STAP2: variants seen among roughly 807,000 people sequenced by gnomAD.
The protein encoded by STAP2 is signal transducing adaptor family member 2.
STAP2 carries 58 observed loss-of-function variants against 52.7 expected under a neutral mutation model. That is an observed-to-expected ratio of 1.10 (90% CI 0.89 to 1.37). STAP2 has a LOEUF of 1.37. Among genes scored for constraint, STAP2 ranks in the 40% most tolerant of loss-of-function variants. STAP2 has a pLI of 0.00. For missense variants in STAP2, 522 were observed against 519.4 expected, an observed-to-expected ratio of 1.00 and a Z score of -0.05; for synonymous variants, 231 against 210.5, an observed-to-expected ratio of 1.10 and a Z score of -0.84.
chr19:4,332,022 C>T lies in STAP2; in HGVS notation c.354G>A (p.Glu118=), dbSNP rs768336065. Residue 118 remains glutamate (E), a splice_region_variant and synonymous_variant, in exon 4 of 13, where the codon GAG becomes GAA. Coordinates refer to ENST00000594605, the MANE Select transcript of STAP2 (RefSeq NM_001013841.2). Reference sequence around the variant, plus strand: ...GGGCGCAGAGAGCCACTACTCTTACCTCCACCACCGTTAAGATGAAGCCTT... The same window carrying T: ...GGGCGCAGAGAGCCACTACTCTTACTTCCACCACCGTTAAGATGAAGCCTT... ...MWKGFILTVV[E]LRVPTDLTLL... The T allele has an allele frequency of 1.2e-6, 2 of 1,612,902 alleles. No homozygotes were observed. Among genetic ancestry groups the T allele is most frequent in the South Asian group, 1.1e-5 (1 of 90,886 alleles).
intron 1 of STAP2, among the ~76,000 whole-genome samples, chr19:4,334,836 C>CTGTCCA (rs1419004502): frequency 9.9e-4 from 11 of 11,104 alleles, no homozygotes; most frequent in Non-Finnish European, 1.5e-3. Context: ...CATCCACCCA[C>CTGTCCA]TCATCCATCC....
At chr19:4,328,059 G>C (rs1489078807) in intron 6 of STAP2, 1 of 160,648 alleles carries the variant, frequency 6.2e-6, no homozygotes, top group Non-Finnish European at 1.4e-5. Flanking sequence ...TTCCGGAGGG[G>C]CCGATCCTAA....
At chr19:4,336,314 CTTT>C (rs978535649) in intron 1 of STAP2, among the ~76,000 whole-genome samples, 32 of 83,446 alleles carry the variant, frequency 3.8e-4, no homozygotes, top group Admixed American at 1.1e-3. Flanking sequence ...TGCACACTGC[CTTT>C]TTTTTTTTTT....
chr19:4,329,005 T>C, intron 5 of STAP2, 196 bp from the exon 6 acceptor site: 2 of 732,648 alleles, frequency 2.7e-6, no homozygotes, highest in Non-Finnish European at 4.2e-6. Context: ...GTGGGGTTTT[T>C]TGTTTTTTTT....
rs772691080 is a variant in STAP2, at chr19:4,327,293, A to T, written c.660+23T>A. The T allele has an allele frequency of 1.1e-5, 18 of 1,614,040 alleles. No individual in the cohort carries two copies. In the South Asian group the frequency reaches 1.4e-4, roughly 13 times the overall value. On this transcript the variant is annotated intron_variant, in intron 7 of 12. Transcript: ENST00000594605. ...ACGCGGACCCCACAAAGTCACTTCT[A>T]GGGACTCTGGCCCAACGCTCACCGG...
chr19:4,332,193 CTTCTT>C (rs1599553159), intron 3 of STAP2, 115 bp from the exon 4 acceptor site: 7 of 317,058 alleles, frequency 2.2e-5, no homozygotes, highest in Non-Finnish European at 2.5e-5. Context: ...TTTTCTTTTT[CTTCTT>C]TTTTTTTTTT....
At chr19:4,334,993 TCCAC>T (rs1372710449) in intron 1 of STAP2, among the ~76,000 whole-genome samples, 1 of 144,694 alleles carries the variant, frequency 6.9e-6, no homozygotes, top group African/African-American at 2.6e-5. Context: ...CACTCATCCA[TCCAC>T]CCACTCATCA....
Position 4,327,352 on chromosome 19 carries a change from C to T in STAP2, c.624G>A (p.Arg208=). The change falls in exon 7 of 13, where the codon CGG becomes CGA. Residue 208 remains arginine, a synonymous_variant. Transcript: ENST00000594605. ...CATCGATCACGTACTTGGGGCCCTC[C>T]CGCTTCACCTTGTAATGCCGGACCA... The part of the protein sequence containing the change: ...THVVRHYKVK[R]EGPKYVIDVE... 6.2e-7 allele frequency: 1 copy of T among 1,614,118 alleles called. No individual in the cohort carries two copies. Among genetic ancestry groups the T allele is most frequent in the Non-Finnish European group, 8.5e-7 (1 of 1,179,988 alleles).
chr19:4,328,833 T>C, intron 5 of STAP2, 24 bp from the exon 6 acceptor site: 8 of 1,602,966 alleles, frequency 5.0e-6, no homozygotes, highest in Non-Finnish European at 6.8e-6. Context: ...CGTCACCCAC[T>C]CGGGACCCCG....
chr19:4,327,165 A>T lies in STAP2; in HGVS notation c.722T>A (p.Leu241Gln), dbSNP rs1230443818. ...GTCCTCGTCTAACAGGAATGGCACC[A>T]GCGCCTTTTTGGTATGCGACACGAA... ...NYFVSHTKKA[L>Q]VPFLLDEDYE... is the part of the protein sequence containing the mutation. The change falls in exon 8 of 13, where the codon CTG (leucine) becomes CAG (glutamine). Residue 241 changes from leucine (L) to glutamine (Q), a missense_variant. Transcript: ENST00000594605. The T allele has an allele frequency of 7.4e-6, 12 of 1,614,202 alleles. No homozygotes were observed. The highest frequency in any genetic ancestry group is 1.0e-5 in the Non-Finnish European group (12 of 1,180,024).
Position 4,338,569 on chromosome 19 carries a change from C to T in STAP2, c.102+83G>A, listed in dbSNP as rs1296104908. 1.8e-5 allele frequency: 7 copies of T among 389,952 alleles called. No homozygotes were observed. The East Asian group carries it at 2.8e-4, about 16-fold the overall frequency. 24.2% of individuals were successfully genotyped at this position (389,952 alleles called of 1,614,324 possible). A position where few individuals can be genotyped will look rare whatever the true frequency, so the allele number is the denominator to read the frequency against. On this transcript the variant is annotated intron_variant, in intron 1 of 12. Transcript: ENST00000594605. ...CAGCACCCACCCCGCCCCCCCTTGG[C>T]GAGTGGGGAGACAGGGACTCAGAGA...
In STAP2 at chr19:4,332,091, AGAAAG is replaced by A; in HGVS notation, c.298-18_298-14del. 6.2e-7 allele frequency: 1 copy of A among 1,607,466 alleles called. No individual in the cohort carries two copies. The highest frequency in any genetic ancestry group is 1.7e-5 in the Admixed American group (1 of 58,310). On this transcript the variant is annotated splice_polypyrimidine_tract_variant and intron_variant, in intron 3 of 12. Transcript: ENST00000594605. ...CCAAGGTCTCTACCTGGGGAACAAA[AGAAAG>A]GAAAGAATCCAAGTCAGTGAGCCTC...
chr19:4,328,877 G>A (rs1426180706), intron 5 of STAP2, 68 bp from the exon 6 acceptor site: 5 of 1,560,156 alleles, frequency 3.2e-6, no homozygotes, highest in African/African-American at 1.4e-5. Context: ...CGTAAACCCT[G>A]CCTCCTCTGA....
intron 11 of STAP2, 107 bp from the exon 12 acceptor site, chr19:4,324,636 A>G (rs1320847256): frequency 1.7e-6 from 2 of 1,151,034 alleles, no homozygotes; most frequent in African/African-American, 3.1e-5. Context: ...GTTCGAGACC[A>G]GCCTGGGCAA....
intron 3 of STAP2, 69 bp from the exon 4 acceptor site, chr19:4,332,147 T>TCTTCCCTAGTCCA: frequency 1.5e-6 from 2 of 1,299,448 alleles, no homozygotes; most frequent in African/African-American, 1.5e-5. Flanking sequence ...GAAATTGGAC[T>TCTTCCCTAGTCCA]AGGGAAGAGT....
chr19:4,334,942 A>C, intron 1 of STAP2, among the ~76,000 whole-genome samples: 4 of 64,240 alleles, frequency 6.2e-5, no homozygotes, highest in African/African-American at 1.9e-4. Flanking sequence ...CCATCCATCC[A>C]CTCACCGTCC....
chr19:4,336,583 G>A (rs1212297564), intron 1 of STAP2, among the ~76,000 whole-genome samples: 1 of 151,886 alleles, frequency 6.6e-6, no homozygotes, highest in African/African-American at 2.4e-5. Context: ...CAAAGTGTTG[G>A]GTTACAGGCG....
intron 5 of STAP2, 148 bp from the exon 6 acceptor site, chr19:4,328,957 A>C: frequency 9.2e-6 from 10 of 1,086,678 alleles, no homozygotes; most frequent in Non-Finnish European, 1.3e-5. Context: ...GGCCCCTCCC[A>C]CGGAGACCCA....
chr19:4,330,538 AC>A (rs1862028576), intron 4 of STAP2, among the ~76,000 whole-genome samples: 1 of 139,074 alleles, frequency 7.2e-6, no homozygotes, highest in African/African-American at 2.7e-5. Flanking sequence ...CCCCAACCCC[AC>A]CAAAAAAAAA....
Sources: gnomAD v4.1 joint callset for allele counts (sites outside exome capture counted in the v4.1 genomes callset) on GRCh38, gnomAD v4.1.1 for gene constraint, MANE v1.5 for transcripts, NCBI Gene and HGNC (gene_info 2026-07-23, HGNC 2026-07-21) for gene names.